The following HMG20A variants were observed in gnomAD, a reference collection of about 807,000 sequenced individuals.
HMG20A encodes high mobility group 20A.
In HMG20A, 17 loss-of-function variants were observed where a neutral mutation model predicts 43.9. That is an observed-to-expected ratio of 0.39 (90% confidence interval 0.27 to 0.58). The LOEUF (loss-of-function observed/expected upper bound fraction) is 0.58. HMG20A is among the 20% of genes least tolerant of loss of function. HMG20A has a pLI of 0.59. For missense variants in HMG20A, 341 were observed against 438.2 expected (o/e 0.78, Z 1.98); for synonymous variants, 132 against 147.5 (o/e 0.89, Z 0.76).
the HMG20A span, among the ~76,000 whole-genome samples, chr15:77,496,865 G>T: frequency 6.6e-6 from 1 of 152,216 alleles, no homozygotes; most frequent in Non-Finnish European, 1.5e-5. Context: ...ATGTGTATGC[G>T]TGCTCACTCG....
intron 3 of HMG20A, among the ~76,000 whole-genome samples, chr15:77,466,491 A>G (rs781394603): frequency 3.9e-5 from 6 of 152,190 alleles, no homozygotes; most frequent in Non-Finnish European, 8.8e-5. Flanking sequence ...TGAGACTTAG[A>G]TATTAATTTA....
intron 3 of HMG20A, among the ~76,000 whole-genome samples, chr15:77,466,300 G>A (rs1280252002): frequency 6.6e-6 from 1 of 152,140 alleles, no homozygotes; most frequent in Non-Finnish European, 1.5e-5. Context: ...AGAATCACTT[G>A]AACCTGGGAG....
At chr15:77,443,376 G>T (rs55820483) in intron 1 of HMG20A, among the ~76,000 whole-genome samples, 24,947 of 119,908 alleles carry the variant, frequency 0.21, 2,491 homozygotes, top group Middle Eastern at 0.31. Flanking sequence ...TGATGATGAT[G>T]ATGATTATTA....
chr15:77,467,311 A>C lies in HMG20A; in HGVS notation c.450+4A>C. ...ACTGCCTCCTGAGGAAAAACAGGTA[A>C]TTGTTCCTATTCCTGACTCTTTGTT... is the stretch of plus-strand genomic sequence containing the variant. On this transcript the variant is annotated splice_donor_region_variant and intron_variant, in intron 4 of 9. Coordinates refer to ENST00000336216, the MANE Select transcript of HMG20A (RefSeq NM_001304504.2). The C allele has an allele frequency of 6.3e-7, 1 of 1,598,480 alleles. No homozygotes were observed.
chr15:77,457,928 T>G (rs535715867), intron 1 of HMG20A, among the ~76,000 whole-genome samples: 1 of 152,342 alleles, frequency 6.6e-6, no homozygotes, highest in South Asian at 2.1e-4. Flanking sequence ...CTCAATGCAC[T>G]TACTACCTTA....
rs1398280762 is a variant in HMG20A, at chr15:77,435,130, A to G, written c.-5+14126A>G. Among the ~76,000 whole-genome samples, 4 of 152,196 alleles carry G rather than the reference A, an allele frequency of 2.6e-5. No individual in the cohort carries two copies. In the East Asian group the frequency reaches 7.7e-4, roughly 29 times the overall value. On this transcript the variant is annotated intron_variant, in intron 1 of 9. Coordinates refer to ENST00000336216, the MANE Select transcript of HMG20A (RefSeq NM_001304504.2). The stretch of plus-strand genomic sequence containing the variant: ...ACAAGCAGAACAAATCTTAGAAGTC[A>G]TAGTAATTACTTTTACAGGGATAGT...
intron 1 of HMG20A, among the ~76,000 whole-genome samples, chr15:77,453,534 A>G (rs1411942800): frequency 6.6e-6 from 1 of 152,204 alleles, no homozygotes; most frequent in African/African-American, 2.4e-5. Flanking sequence ...AAAATATTAA[A>G]CATGGTGGTA....
the HMG20A span, among the ~76,000 whole-genome samples, chr15:77,517,977 T>C: frequency 6.6e-6 from 1 of 151,246 alleles, no homozygotes; most frequent in Non-Finnish European, 1.5e-5. Flanking sequence ...GAATGTCGGA[T>C]ACTTAATATA....
At chr15:77,437,321 T>C (rs2073560209) in intron 1 of HMG20A, among the ~76,000 whole-genome samples, 1 of 152,248 alleles carries the variant, frequency 6.6e-6, no homozygotes, top group African/African-American at 2.4e-5. Context: ...ACCTGGTACA[T>C]ATTACTGAAA....
At chr15:77,421,539 C>T (rs2073341929) in intron 1 of HMG20A, among the ~76,000 whole-genome samples, 1 of 152,244 alleles carries the variant, frequency 6.6e-6, no homozygotes, top group Non-Finnish European at 1.5e-5. Context: ...CTACTCAAGT[C>T]CAGCCTTGGC....
intron 1 of HMG20A, among the ~76,000 whole-genome samples, chr15:77,424,513 G>T (rs958393936): frequency 2.0e-5 from 3 of 152,116 alleles, no homozygotes; most frequent in Non-Finnish European, 4.4e-5. Flanking sequence ...TAAATCTCCT[G>T]GTCCAATGCC....
Position 77,479,325 on chromosome 15 carries a change from A to G in HMG20A, c.*6+4A>G, listed in dbSNP as rs181666962. ...CAGACTCGATCGTTAGGGAATGGTG[A>G]GTGCTCACTGATAAATATTTATATG... On this transcript the variant is annotated splice_donor_region_variant and intron_variant, in intron 9 of 9. Transcript: ENST00000336216. 37 of 1,612,008 alleles carry G rather than the reference A, an allele frequency of 2.3e-5. No individual in the cohort carries two copies. The Admixed American group carries it at 4.2e-4, about 18-fold the overall frequency.
At chr15:77,467,049 T>C (rs999506603) in intron 3 of HMG20A, 46 bp from the exon 4 acceptor site, 7 of 1,486,422 alleles carry the variant, frequency 4.7e-6, no homozygotes, top group Non-Finnish European at 6.5e-6. Context: ...TTTTGGGAGA[T>C]GGTTGTTGTT....
chr15:77,457,690 A>G (rs1355411567), intron 1 of HMG20A, among the ~76,000 whole-genome samples: 1 of 152,160 alleles, frequency 6.6e-6, no homozygotes, highest in Admixed American at 6.5e-5. Flanking sequence ...TCCTGTACCC[A>G]GGTGCATGCT....
chr15:77,434,653 A>G (rs563534970), intron 1 of HMG20A, among the ~76,000 whole-genome samples: 1 of 152,338 alleles, frequency 6.6e-6, no homozygotes, highest in African/African-American at 2.4e-5. Flanking sequence ...TGCAAATTAA[A>G]GCCACAGTGA....
At chr15:77,517,725 C>A in the HMG20A span, among the ~76,000 whole-genome samples, 3 of 151,918 alleles carry the variant, frequency 2.0e-5, no homozygotes, top group African/African-American at 7.3e-5. Context: ...GAGGCCCAGG[C>A]CTCAGAGCTG....
At chr15:77,498,679 A>G in the HMG20A span, among the ~76,000 whole-genome samples, 24 of 152,190 alleles carry the variant, frequency 1.6e-4, no homozygotes, top group Non-Finnish European at 2.9e-4. Flanking sequence ...CATTTTTCAC[A>G]TCTGTGAAAT....
chr15:77,455,620 A>G (rs2072646899), intron 1 of HMG20A, among the ~76,000 whole-genome samples: 1 of 152,204 alleles, frequency 6.6e-6, no homozygotes, highest in African/African-American at 2.4e-5. Flanking sequence ...TATAAAGTGC[A>G]GTGAAGAGCC....
the HMG20A span, among the ~76,000 whole-genome samples, chr15:77,510,904 C>A: frequency 6.6e-6 from 1 of 152,246 alleles, no homozygotes; most frequent in Non-Finnish European, 1.5e-5. Flanking sequence ...TCTTCAAGAT[C>A]CAGCCCTGTA....
Sources: gnomAD v4.1 joint callset for allele counts (sites outside exome capture counted in the v4.1 genomes callset) on GRCh38, gnomAD v4.1.1 for gene constraint, MANE v1.5 for transcripts, NCBI Gene and HGNC (gene_info 2026-07-23, HGNC 2026-07-21) for gene names.